IQSEC3: variants seen among roughly 807,000 people sequenced by gnomAD.
The protein encoded by IQSEC3 is IQ motif and SEC7 domain-containing protein 3.
IQSEC3 carries 50 observed loss-of-function variants against 105.4 expected under a neutral mutation model. The ratio of observed to expected loss-of-function variants is 0.47; its 90% confidence interval spans 0.38 to 0.60. IQSEC3 has a LOEUF of 0.60. Ranked by LOEUF, IQSEC3 falls within the 20% of genes least tolerant of loss-of-function variation. The pLI, the probability that IQSEC3 is intolerant of heterozygous loss-of-function variation, is 0.00. For missense variants in IQSEC3, 1,415 were observed against 1,630.0 expected (o/e 0.87, Z 2.27); for synonymous variants, 708 against 746.0 (o/e 0.95, Z 0.83).
At chr12:156,462 G>GGGGGGGGCTGGGGCAGCT (rs1866689633) in intron 5 of IQSEC3, among the ~76,000 whole-genome samples, 4 of 152,060 alleles carry the variant, frequency 2.6e-5, no homozygotes, top group African/African-American at 9.7e-5. Flanking sequence ...TGGGGCAGCT[G>GGGGGGGGCTGGGGCAGCT]GGGGGAGCTG....
At chr12:67,689 G>T (rs1565371296) in intron 1 of IQSEC3, among the ~76,000 whole-genome samples, 1 of 141,030 alleles carries the variant, frequency 7.1e-6, no homozygotes, top group Non-Finnish European at 1.5e-5. Context: ...GAAGGAGGTG[G>T]GTGTTAAGCG....
chr12:156,743 AG>A (rs1160439459), intron 5 of IQSEC3, among the ~76,000 whole-genome samples: 1 of 152,236 alleles, frequency 6.6e-6, no homozygotes, highest in Non-Finnish European at 1.5e-5. Flanking sequence ...TTAAGAAGGA[AG>A]GAACTGGGAT....
intron 1 of IQSEC3, among the ~76,000 whole-genome samples, chr12:91,447 T>A (rs969422929): frequency 6.6e-6 from 1 of 152,114 alleles, no homozygotes; most frequent in African/African-American, 2.4e-5. Context: ...GTTGCTCCTC[T>A]GGCAGCGCTA....
chr12:167,456 G>C (rs966790860), intron 11 of IQSEC3: 7 of 152,078 alleles, frequency 4.6e-5, no homozygotes, highest in Admixed American at 3.3e-4. Flanking sequence ...CTGCCTCAAG[G>C]GTAAAAGAGC....
chr12:84,946 A>G (rs577417088), intron 1 of IQSEC3, among the ~76,000 whole-genome samples: 2 of 152,298 alleles, frequency 1.3e-5, no homozygotes, highest in South Asian at 2.1e-4. Flanking sequence ...GTGAGAATGG[A>G]TGCCAGAAGC....
intron 2 of IQSEC3, among the ~76,000 whole-genome samples, chr12:101,189 G>A (rs1173728493): frequency 2.0e-5 from 3 of 152,100 alleles, no homozygotes; most frequent in African/African-American, 7.2e-5. Context: ...CTGCAAGCTC[G>A]CTCACACACC....
At chr12:96,325 C>T (rs1555074751) in intron 1 of IQSEC3, among the ~76,000 whole-genome samples, 4 of 152,156 alleles carry the variant, frequency 2.6e-5, no homozygotes, top group Admixed American at 6.5e-5. Flanking sequence ...TCTTATTATG[C>T]AGATGAAGCC....
intron 4 of IQSEC3, chr12:140,863 A>G: frequency 2.3e-6 from 1 of 438,446 alleles, no homozygotes. Context: ...AAGACCCAGG[A>G]GGCAGGGACA....
chr12:76,550 T>C (rs1863536433), intron 1 of IQSEC3, among the ~76,000 whole-genome samples: 1 of 152,292 alleles, frequency 6.6e-6, no homozygotes, highest in Non-Finnish European at 1.5e-5. Flanking sequence ...TTCCTTTTCC[T>C]TTCTCTGCAT....
At chr12:116,448 T>C (rs10744726) in intron 2 of IQSEC3, among the ~76,000 whole-genome samples, 112,178 of 152,196 alleles carry the variant, frequency 0.74, 41,821 homozygotes, top group Non-Finnish European at 0.79. Context: ...TTCCGTGAGC[T>C]ATTCTTTTGT....
intron 9 of IQSEC3, 58 bp downstream of exon 9, chr12:163,677 C>T: frequency 3.0e-6 from 3 of 987,546 alleles, no homozygotes; most frequent in Non-Finnish European, 4.9e-6. Flanking sequence ...CCGCCCTGGT[C>T]AGCCTGGGCA....
intron 3 of IQSEC3, 22 bp downstream of exon 3, chr12:125,934 G>T: frequency 1.3e-6 from 2 of 1,526,838 alleles, no homozygotes; most frequent in Non-Finnish European, 8.7e-7. Flanking sequence ...CTCCTAGGGG[G>T]GCGGGGAGGG....
At chr12:88,853 G>A (rs1405021930) in intron 1 of IQSEC3, among the ~76,000 whole-genome samples, 1 of 152,200 alleles carries the variant, frequency 6.6e-6, no homozygotes, top group Non-Finnish European at 1.5e-5. Flanking sequence ...GTTTGAAAGA[G>A]AATTGTGGTT....
intron 1 of IQSEC3, among the ~76,000 whole-genome samples, chr12:82,441 C>T (rs1057216981): frequency 6.6e-6 from 1 of 152,084 alleles, no homozygotes; most frequent in African/African-American, 2.4e-5. Flanking sequence ...ATGGGGTGAC[C>T]GCTGAAGGGA....
intron 1 of IQSEC3, among the ~76,000 whole-genome samples, chr12:80,105 T>A (rs1259182880): frequency 6.6e-6 from 1 of 152,176 alleles, no homozygotes; most frequent in African/African-American, 2.4e-5. Flanking sequence ...TTATTTAAGG[T>A]GGGCTTTCTG....
chr12:107,441 G>A (rs1555078230), intron 2 of IQSEC3, among the ~76,000 whole-genome samples: 2 of 101,556 alleles, frequency 2.0e-5, no homozygotes, highest in African/African-American at 3.8e-5. Flanking sequence ...ACGGAGTCTT[G>A]CTCTGTGGCT....
At chr12:136,962 G>T (rs1382777275) in intron 3 of IQSEC3, among the ~76,000 whole-genome samples, 1 of 152,150 alleles carries the variant, frequency 6.6e-6, no homozygotes, top group Non-Finnish European at 1.5e-5. Flanking sequence ...GGACAGAGCC[G>T]AGAGGAGGCA....
intron 5 of IQSEC3, chr12:148,949 A>G (rs2137024509): frequency 6.6e-6 from 1 of 152,272 alleles, no homozygotes. Context: ...TATCATTAAA[A>G]AAAAAAAAGA....
At position 75,016 on chromosome 12, in the gene IQSEC3, C is replaced by T. The variant is rs755554287; in HGVS notation, c.554+7580C>T. ...GCTAGTCCCATAACCCCAGGGAGGT[C>T]CCCGTGCCTTCCAGGATATCTCAAC... On this transcript the variant is annotated intron_variant, in intron 1 of 13. Transcript: ENST00000538872. Among the ~76,000 whole-genome samples, 4 of 152,286 alleles carry T rather than the reference C, an allele frequency of 2.6e-5. 1 individual carries two copies. Among genetic ancestry groups the T allele is most frequent in the African/African-American group, 9.6e-5 (4 of 41,468 alleles).
Sources: allele counts gnomAD v4.1 joint callset (sites outside exome capture counted in the v4.1 genomes callset), GRCh38; gene constraint gnomAD v4.1.1; transcripts MANE v1.5; gene names NCBI Gene and HGNC (gene_info 2026-07-23, HGNC 2026-07-21).